CCDC141: variants seen among roughly 807,000 people sequenced by gnomAD.
CCDC141 encodes coiled-coil domain-containing protein 141.
A neutral mutation model predicts 181.0 loss-of-function variants in CCDC141; 168 were observed. That is an observed-to-expected ratio of 0.93 (90% CI 0.82 to 1.05). CCDC141 has a LOEUF of 1.05. Ranked by LOEUF, CCDC141 falls within the 50% of genes least tolerant of loss-of-function variation. The pLI, the probability that CCDC141 is intolerant of heterozygous loss-of-function variation, is 0.00. For missense variants in CCDC141, 1,902 were observed against 1,788.5 expected, an observed-to-expected ratio of 1.06 and a Z score of -1.14; for synonymous variants, 666 against 642.3, an observed-to-expected ratio of 1.04 and a Z score of -0.56.
At chr2:179,038,617 G>GTT (rs1419573989) in intron 2 of CCDC141, among the ~76,000 whole-genome samples, 1 of 152,242 alleles carries the variant, frequency 6.6e-6, no homozygotes, top group Admixed American at 6.5e-5. Context: ...TTTAAGGTAA[G>GTT]TTTTTGTAAG....
At chr2:178,941,939 A>G (rs1689532267) in intron 6 of CCDC141, among the ~76,000 whole-genome samples, 1 of 123,870 alleles carries the variant, frequency 8.1e-6, no homozygotes, top group Admixed American at 1.0e-4. Context: ...AGCCTGAGTG[A>G]CAGAGAGAGA....
chr2:178,838,630 T>C (rs994320798), intron 22 of CCDC141, among the ~76,000 whole-genome samples: 3 of 152,214 alleles, frequency 2.0e-5, no homozygotes, highest in Non-Finnish European at 4.4e-5. Flanking sequence ...TGAATACAAG[T>C]AGATCAGTCT....
At chr2:178,936,941 A>AT (rs1251837931) in intron 6 of CCDC141, among the ~76,000 whole-genome samples, 2 of 152,090 alleles carry the variant, frequency 1.3e-5, no homozygotes, top group African/African-American at 4.8e-5. Context: ...CTGTACATTG[A>AT]TTTTGTATCC....
chr2:178,861,273 C>A (rs1685605287), intron 17 of CCDC141, among the ~76,000 whole-genome samples: 1 of 152,000 alleles, frequency 6.6e-6, no homozygotes, highest in Admixed American at 6.6e-5. Context: ...CACATGGGAT[C>A]CCCCTGCCTC....
chr2:178,897,574 A>G (rs932445363), intron 8 of CCDC141, among the ~76,000 whole-genome samples: 3 of 152,232 alleles, frequency 2.0e-5, no homozygotes, highest in African/African-American at 7.2e-5. Flanking sequence ...TTCAGTTAGG[A>G]TGAGGCATAT....
intron 4 of CCDC141, among the ~76,000 whole-genome samples, chr2:178,973,680 C>T (rs895948598): frequency 2.6e-5 from 4 of 152,226 alleles, no homozygotes; most frequent in Admixed American, 1.3e-4. Context: ...CCTACTTCTA[C>T]AAGCCCCCAG....
intron 2 of CCDC141, among the ~76,000 whole-genome samples, chr2:178,990,150 A>G (rs1299022983): frequency 6.6e-6 from 1 of 151,708 alleles, no homozygotes; most frequent in Admixed American, 6.6e-5. Flanking sequence ...AAAAAAAAAA[A>G]AAAGAAAGAA....
intron 17 of CCDC141, among the ~76,000 whole-genome samples, chr2:178,862,503 G>T (rs1371977939): frequency 6.6e-6 from 1 of 152,160 alleles, no homozygotes; most frequent in Non-Finnish European, 1.5e-5. Context: ...TGATGTTTCT[G>T]TGTCATGTAA....
At position 178,831,137 on chromosome 2, in the gene CCDC141, A is replaced by G. The variant is rs1454699713; in HGVS notation, c.*3036T>C. 1 of 152,172 alleles carries G rather than the reference A, an allele frequency of 6.6e-6. No individual in the cohort carries two copies. The allele number at this position is 152,172 out of a possible 1,614,324, so 9.4% of individuals were successfully genotyped here. A position where few individuals can be genotyped will look rare whatever the true frequency, so the allele number is the denominator to read the frequency against. On this transcript the variant is annotated 3_prime_UTR_variant, in exon 24 of 24. Coordinates refer to ENST00000443758, the MANE Select transcript of CCDC141 (RefSeq NM_173648.4). ...TAAAAAATTTTCTGCATCTTGTTCA[A>G]ATATTTTAAATATCATAGAATATTC...
chr2:178,952,103 A>T (rs1443384049), intron 5 of CCDC141, among the ~76,000 whole-genome samples: 1 of 152,252 alleles, frequency 6.6e-6, no homozygotes. Context: ...CTTGCAGCTA[A>T]AACTGATCTT....
chr2:178,842,995 G>A (rs573984969), intron 22 of CCDC141, among the ~76,000 whole-genome samples: 239 of 152,242 alleles, frequency 1.6e-3, no homozygotes, highest in African/African-American at 5.7e-3. Flanking sequence ...GGTAGAGGGG[G>A]AGTGCAGGGA....
At chr2:178,938,202 T>A (rs972573632) in intron 6 of CCDC141, among the ~76,000 whole-genome samples, 1 of 152,100 alleles carries the variant, frequency 6.6e-6, no homozygotes, top group South Asian at 2.1e-4. Flanking sequence ...GAAAGACATT[T>A]AGGGGAGAAC....
At chr2:178,991,902 A>G (rs961638790) in intron 2 of CCDC141, among the ~76,000 whole-genome samples, 6 of 151,990 alleles carry the variant, frequency 3.9e-5, no homozygotes, top group Admixed American at 2.6e-4. Context: ...GATTTTCTGC[A>G]AATAAAAACA....
intron 2 of CCDC141, among the ~76,000 whole-genome samples, chr2:178,989,646 C>A (rs1360206127): frequency 7.7e-6 from 1 of 129,370 alleles, no homozygotes; most frequent in South Asian, 2.5e-4. Context: ...ATAAATAAAA[C>A]AATAGAAAGG....
rs368143455 is a variant in CCDC141 at position 178,845,598 on chromosome 2, A to T, written c.3474+28T>A. The T allele has an allele frequency of 5.6e-5, 70 of 1,250,472 alleles. No individual in the cohort carries two copies. The African/African-American group carries it at 9.4e-4, about 17-fold the overall frequency. The allele number at this position is 1,250,472 out of a possible 1,614,324, so 77.5% of individuals were successfully genotyped here. On this transcript the variant is annotated intron_variant, in intron 22 of 23. Transcript: ENST00000443758. Reference sequence around the variant, plus strand: ...TTTAACCTCAAAGCAAAAGTCCTCAATAGCTGAGGTTAAGTAGTTTTCTTT... The same window carrying T: ...TTTAACCTCAAAGCAAAAGTCCTCATTAGCTGAGGTTAAGTAGTTTTCTTT...
At chr2:178,967,448 A>C (rs1690691158) in intron 4 of CCDC141, among the ~76,000 whole-genome samples, 1 of 152,224 alleles carries the variant, frequency 6.6e-6, no homozygotes, top group Admixed American at 6.5e-5. Flanking sequence ...ACATTCTTAA[A>C]GAAAAGAATT....
At chr2:178,893,859 G>A (rs1687281272) in intron 8 of CCDC141, among the ~76,000 whole-genome samples, 1 of 148,768 alleles carries the variant, frequency 6.7e-6, no homozygotes, top group Non-Finnish European at 1.5e-5. Context: ...AATGTTTTAT[G>A]TATAGATAAC....
At chr2:179,039,524 T>C (rs1172374502) in intron 2 of CCDC141, among the ~76,000 whole-genome samples, 1 of 152,160 alleles carries the variant, frequency 6.6e-6, no homozygotes, top group Admixed American at 6.5e-5. Context: ...CCGTTATTAT[T>C]ATTCTAATTT....
chr2:178,926,699 G>A (rs1575227078), intron 6 of CCDC141: 1 of 152,288 alleles, frequency 6.6e-6, no homozygotes, highest in East Asian at 1.9e-4. Context: ...CAAAAGTACA[G>A]CTGGATATAA....
Sources: gnomAD v4.1 joint callset for allele counts (sites outside exome capture counted in the v4.1 genomes callset) on GRCh38, gnomAD v4.1.1 for gene constraint, MANE v1.5 for transcripts, NCBI Gene and HGNC (gene_info 2026-07-23, HGNC 2026-07-21) for gene names.